Variants in CNTNAP2 observed in about 807,000 individuals in gnomAD.
The protein encoded by CNTNAP2 is contactin-associated protein-like 2.
In CNTNAP2, 98 loss-of-function variants were observed where a neutral mutation model predicts 155.2. The ratio of observed to expected loss-of-function variants is 0.63; its 90% CI spans 0.54 to 0.75. The LOEUF (loss-of-function observed/expected upper bound fraction) is 0.75. CNTNAP2 is among the 30% of genes least tolerant of loss of function. The pLI is 0.00. For synonymous variants in CNTNAP2, 651 were observed against 631.2 expected (o/e 1.03, Z -0.47); for missense variants, 1,727 against 1,688.1 (o/e 1.02, Z -0.40).
chr7:146,901,845 T>C (rs1796008634), intron 3 of CNTNAP2, among the ~76,000 whole-genome samples: 1 of 151,264 alleles, frequency 6.6e-6, no homozygotes, highest in Non-Finnish European at 1.5e-5. Context: ...TTGAGCCCTT[T>C]ACAGTTTTTC....
At chr7:147,348,303 A>C (rs909757706) in intron 9 of CNTNAP2, among the ~76,000 whole-genome samples, 2 of 151,950 alleles carry the variant, frequency 1.3e-5, no homozygotes, top group African/African-American at 4.8e-5. Context: ...AAAGCATCTC[A>C]ACAACAAAAA....
At chr7:147,088,476 G>A (rs989366512) in intron 4 of CNTNAP2, among the ~76,000 whole-genome samples, 1 of 152,098 alleles carries the variant, frequency 6.6e-6, no homozygotes, top group Non-Finnish European at 1.5e-5. Context: ...TTTAAAGCCA[G>A]TTTCTAAATC....
chr7:146,978,991 G>A (rs1296594167), intron 3 of CNTNAP2, among the ~76,000 whole-genome samples: 2 of 152,120 alleles, frequency 1.3e-5, no homozygotes, highest in African/African-American at 4.8e-5. Flanking sequence ...TATACCTCCT[G>A]TGGAAGTTCT....
chr7:147,447,601 G>A (rs1414652366), intron 10 of CNTNAP2, among the ~76,000 whole-genome samples: 4 of 152,032 alleles, frequency 2.6e-5, no homozygotes, highest in East Asian at 1.9e-4. Flanking sequence ...TGTAATTTTA[G>A]TAGAGACGAG....
At chr7:147,105,811 G>A (rs953236916) in intron 4 of CNTNAP2, among the ~76,000 whole-genome samples, 2 of 151,890 alleles carry the variant, frequency 1.3e-5, no homozygotes, top group African/African-American at 4.8e-5. Flanking sequence ...TTCTTTGTAG[G>A]GAATCTAGGT....
chr7:148,133,352 C>G (rs961538465), intron 16 of CNTNAP2, among the ~76,000 whole-genome samples: 16 of 152,158 alleles, frequency 1.1e-4, no homozygotes, highest in African/African-American at 3.1e-4. Context: ...ACCCCAACTA[C>G]TCAGGAGGCT....
At chr7:148,030,594 G>T (rs543735222) in intron 15 of CNTNAP2, among the ~76,000 whole-genome samples, 4 of 151,268 alleles carry the variant, frequency 2.6e-5, no homozygotes, top group Non-Finnish European at 2.9e-5. Flanking sequence ...TAGTTCTTCC[G>T]GTTCTGGGCC....
intron 9 of CNTNAP2, among the ~76,000 whole-genome samples, chr7:147,367,366 C>T (rs1796250999): frequency 6.6e-6 from 1 of 152,090 alleles, no homozygotes; most frequent in South Asian, 2.1e-4. Context: ...TGCCTGAGGC[C>T]GTTCTCTAGT....
At chr7:147,129,274 T>C (rs1020461328) in intron 7 of CNTNAP2, among the ~76,000 whole-genome samples, 2 of 152,230 alleles carry the variant, frequency 1.3e-5, no homozygotes, top group African/African-American at 4.8e-5. Context: ...AAAGATGATT[T>C]GTTTGAATAT....
intron 15 of CNTNAP2, among the ~76,000 whole-genome samples, chr7:148,000,646 C>G (rs990743474): frequency 6.6e-6 from 1 of 152,164 alleles, no homozygotes; most frequent in Non-Finnish European, 1.5e-5. Flanking sequence ...GCACCAGACC[C>G]CAACAAAAAC....
intron 1 of CNTNAP2, among the ~76,000 whole-genome samples, chr7:146,281,934 G>C (rs1215171912): frequency 6.6e-6 from 1 of 152,098 alleles, no homozygotes; most frequent in Admixed American, 6.6e-5. Flanking sequence ...AATTAATAAA[G>C]ATGGGACATT....
intron 13 of CNTNAP2, among the ~76,000 whole-genome samples, chr7:147,790,671 T>C (rs1797806652): frequency 6.6e-6 from 1 of 152,264 alleles, no homozygotes; most frequent in East Asian, 1.9e-4. Context: ...ATATTCGCCA[T>C]CATTTCTCTA....
Position 148,206,456 on chromosome 7 carries a change from A to G in CNTNAP2, c.3011-10832A>G, listed in dbSNP as rs184935334. ...TTCATACTATTTTTACAACTTTTCAAAATTATTTCAAGGTATATTGGTCTT... is the reference window on the plus strand; with the variant it reads ...TTCATACTATTTTTACAACTTTTCAGAATTATTTCAAGGTATATTGGTCTT... On this transcript the variant is annotated intron_variant, in intron 18 of 23. Transcript: ENST00000361727. Among the ~76,000 whole-genome samples, 282 of 152,180 alleles carry G rather than the reference A, an allele frequency of 1.9e-3. 2 individuals are homozygous for G. Among genetic ancestry groups the G allele is most frequent in the African/African-American group, 6.6e-3 (273 of 41,546 alleles).
At chr7:147,518,111 G>C (rs1241475284) in intron 11 of CNTNAP2, among the ~76,000 whole-genome samples, 1 of 152,076 alleles carries the variant, frequency 6.6e-6, no homozygotes, top group Admixed American at 6.6e-5. Flanking sequence ...TTCATTCTTG[G>C]TAGTTACTGT....
At chr7:147,968,838 C>T (rs1801274565) in intron 14 of CNTNAP2, among the ~76,000 whole-genome samples, 1 of 152,280 alleles carries the variant, frequency 6.6e-6, no homozygotes, top group African/African-American at 2.4e-5. Context: ...AATTAAAGAT[C>T]TAATTGGCTT....
At chr7:147,046,945 T>C (rs1046761037) in intron 4 of CNTNAP2, among the ~76,000 whole-genome samples, 20 of 141,794 alleles carry the variant, frequency 1.4e-4, no homozygotes, top group Non-Finnish European at 2.9e-4. Context: ...AGCAGGAGAA[T>C]GGCGTGAACC....
At chr7:148,112,846 T>C (rs1804381607) in intron 15 of CNTNAP2, among the ~76,000 whole-genome samples, 1 of 150,072 alleles carries the variant, frequency 6.7e-6, no homozygotes. Flanking sequence ...AATCAATAAG[T>C]AGCTCCAGAG....
chr7:146,871,977 T>C (rs2129207391), intron 3 of CNTNAP2, among the ~76,000 whole-genome samples: 1 of 152,104 alleles, frequency 6.6e-6, no homozygotes, highest in Admixed American at 6.6e-5. Context: ...AATATTAAAG[T>C]TCATTGACAT....
chr7:147,820,111 C>T (rs1464172569), intron 13 of CNTNAP2, among the ~76,000 whole-genome samples: 1 of 152,068 alleles, frequency 6.6e-6, no homozygotes, highest in Non-Finnish European at 1.5e-5. Context: ...TACATATCCA[C>T]CAGCAAAATA....
Sources: allele counts gnomAD v4.1 joint callset (sites outside exome capture counted in the v4.1 genomes callset), GRCh38; gene constraint gnomAD v4.1.1; transcripts MANE v1.5; gene names NCBI Gene and HGNC (gene_info 2026-07-23, HGNC 2026-07-21).